ROBO2: variants seen among roughly 807,000 people sequenced by gnomAD.
ROBO2 encodes roundabout homolog 2.
A neutral mutation model predicts 160.8 loss-of-function variants in ROBO2; 53 were observed. The observed-to-expected ratio is 0.33, with a 90% CI of 0.26 to 0.41. ROBO2 has a LOEUF of 0.41. ROBO2 is among the 10% of genes least tolerant of loss of function. ROBO2 has a pLI of 1.00. For synonymous variants in ROBO2, 664 were observed against 611.7 expected (o/e 1.09, Z -1.26); for missense variants, 1,577 against 1,722.4 (o/e 0.92, Z 1.49).
chr3:76,561,110 G>A (rs1289483167), intron 2 of ROBO2, among the ~76,000 whole-genome samples: 1 of 151,248 alleles, frequency 6.6e-6, no homozygotes, highest in African/African-American at 2.4e-5. Context: ...GGAATAGCCT[G>A]AAAAAATATA....
chr3:77,243,126 T>C (rs2089268591), intron 2 of ROBO2, among the ~76,000 whole-genome samples: 1 of 152,022 alleles, frequency 6.6e-6, no homozygotes, highest in African/African-American at 2.4e-5. Flanking sequence ...ATTTTAGTTA[T>C]AGCAAAGCGT....
At chr3:77,421,676 G>C (rs2077727023) in intron 2 of ROBO2, among the ~76,000 whole-genome samples, 1 of 151,998 alleles carries the variant, frequency 6.6e-6, no homozygotes, top group African/African-American at 2.4e-5. Flanking sequence ...GAGCATAATA[G>C]TGTTAAAAAC....
chr3:76,024,860 T>C (rs2066687245), intron 2 of ROBO2, among the ~76,000 whole-genome samples: 1 of 151,458 alleles, frequency 6.6e-6, no homozygotes, highest in Non-Finnish European at 1.5e-5. Context: ...TCTTTCATTT[T>C]GCTTTCAGCA....
chr3:76,351,125 A>G (rs1007271495), intron 2 of ROBO2, among the ~76,000 whole-genome samples: 2 of 151,964 alleles, frequency 1.3e-5, no homozygotes, highest in Non-Finnish European at 2.9e-5. Flanking sequence ...AAATAATGAT[A>G]TATGTAGTAT....
intron 2 of ROBO2, among the ~76,000 whole-genome samples, chr3:76,826,165 G>C (rs1451995187): frequency 6.6e-6 from 1 of 151,874 alleles, no homozygotes; most frequent in Non-Finnish European, 1.5e-5. Flanking sequence ...TTTCCAATAG[G>C]CTGTGATCAT....
intron 2 of ROBO2, among the ~76,000 whole-genome samples, chr3:76,580,060 G>C (rs1012873609): frequency 6.6e-6 from 1 of 152,006 alleles, no homozygotes; most frequent in Non-Finnish European, 1.5e-5. Flanking sequence ...CGGAGCAGGT[G>C]GTGGCTTGAG....
chr3:77,069,983 A>G (rs924679906), intron 1 of ROBO2, among the ~76,000 whole-genome samples: 2 of 152,152 alleles, frequency 1.3e-5, no homozygotes, highest in Non-Finnish European at 2.9e-5. Flanking sequence ...GGTCATTATC[A>G]TGGGCCCAAT....
At chr3:77,054,757 T>C (rs1002495812) in intron 1 of ROBO2, among the ~76,000 whole-genome samples, 1 of 152,106 alleles carries the variant, frequency 6.6e-6, no homozygotes, top group Admixed American at 6.6e-5. Context: ...TGAGAGGTAA[T>C]GGAGGCCAAT....
At chr3:76,915,464 C>T (rs2076242661) in intron 2 of ROBO2, among the ~76,000 whole-genome samples, 1 of 151,826 alleles carries the variant, frequency 6.6e-6, no homozygotes, top group Admixed American at 6.6e-5. Flanking sequence ...AGTTTGAGTC[C>T]AGCCTGGCCC....
chr3:76,264,201 C>A (rs542145677), intron 2 of ROBO2, among the ~76,000 whole-genome samples: 2 of 152,058 alleles, frequency 1.3e-5, no homozygotes, highest in Middle Eastern at 3.4e-3. Context: ...CAAACCTTCA[C>A]GTTCTGCACT....
intron 1 of ROBO2, among the ~76,000 whole-genome samples, chr3:77,091,126 C>T (rs1307138449): frequency 6.6e-6 from 1 of 152,082 alleles, no homozygotes; most frequent in Non-Finnish European, 1.5e-5. Flanking sequence ...ATAGGGCTAT[C>T]CAGTTTGTAA....
At chr3:77,186,136 C>T (rs2081268152) in intron 2 of ROBO2, among the ~76,000 whole-genome samples, 1 of 151,768 alleles carries the variant, frequency 6.6e-6, no homozygotes, top group African/African-American at 2.4e-5. Context: ...AAATAACTTG[C>T]TCATGTAACC....
intron 2 of ROBO2, among the ~76,000 whole-genome samples, chr3:77,123,600 T>G (rs2074994718): frequency 6.6e-6 from 1 of 151,874 alleles, no homozygotes; most frequent in East Asian, 1.9e-4. Context: ...TTTGAAAAAT[T>G]AGACATACAC....
Position 77,509,260 on chromosome 3 carries a change from C to T in ROBO2, c.807-13515C>T, listed in dbSNP as rs181692171. On this transcript the variant is annotated intron_variant, in intron 5 of 25. Coordinates refer to ENST00000461745, the Ensembl canonical transcript of ROBO2. Reference sequence around the variant, plus strand: ...GAAGGTAGGAAGGAGGGTAGAAAGGCCTTTTGTATTTGTAAATTTCTGTCC... The same window carrying T: ...GAAGGTAGGAAGGAGGGTAGAAAGGTCTTTTGTATTTGTAAATTTCTGTCC... Among the ~76,000 whole-genome samples the T allele has an allele frequency of 2.2e-3, 329 of 152,078 alleles. 2 individuals carry two copies. In the Middle Eastern group the frequency reaches 0.024, roughly 11 times the overall value.
At chr3:76,799,501 C>G (rs548191445) in intron 2 of ROBO2, among the ~76,000 whole-genome samples, 2 of 132,438 alleles carry the variant, frequency 1.5e-5, no homozygotes, top group African/African-American at 5.0e-5. Context: ...AATATTAGAT[C>G]TGACAAAAAA....
rs930285317 is a variant in ROBO2, at chr3:76,441,062, A to T, written c.109+503460A>T. Among the ~76,000 whole-genome samples the T allele has an allele frequency of 2.0e-5, 3 of 152,270 alleles. 1 individual carries two copies. The East Asian group carries it at 5.8e-4, about 29-fold the overall frequency. On this transcript the variant is annotated intron_variant, in intron 2 of 26. Coordinates refer to the ROBO2 transcript ENST00000487694. ...TCAATGGGCTTGATAAATATTAGAT[A>T]CTAGACCTCATTGGGATAAAATTCA... is the stretch of plus-strand genomic sequence containing the variant.
At chr3:76,466,088 A>G (rs2078348251) in intron 2 of ROBO2, among the ~76,000 whole-genome samples, 1 of 151,238 alleles carries the variant, frequency 6.6e-6, no homozygotes, top group Non-Finnish European at 1.5e-5. Context: ...AATGTACATA[A>G]TTTTTTAAAT....
At chr3:76,522,151 T>A (rs1273709970) in intron 2 of ROBO2, among the ~76,000 whole-genome samples, 3 of 152,182 alleles carry the variant, frequency 2.0e-5, no homozygotes, top group Non-Finnish European at 4.4e-5. Flanking sequence ...GTATCCAGTA[T>A]GTTTATGGGC....
intron 2 of ROBO2, among the ~76,000 whole-genome samples, chr3:76,109,184 G>A (rs1230863514): frequency 6.6e-6 from 1 of 151,870 alleles, no homozygotes; most frequent in Non-Finnish European, 1.5e-5. Flanking sequence ...ACTATCGCAT[G>A]GATAGTGTTT....
Sources: allele counts gnomAD v4.1 joint callset (sites outside exome capture counted in the v4.1 genomes callset), GRCh38; gene constraint gnomAD v4.1.1; transcripts MANE v1.5; gene names NCBI Gene and HGNC (gene_info 2026-07-23, HGNC 2026-07-21).